Variants in TRPC6 observed in about 807,000 individuals in gnomAD.
TRPC6 encodes transient receptor potential cation channel subfamily C member 6, also known as short transient receptor potential channel 6.
A neutral mutation model predicts 90.7 loss-of-function variants in TRPC6; 55 were observed. The observed-to-expected ratio is 0.61, with a 90% CI of 0.49 to 0.76. The LOEUF is 0.76. TRPC6 is among the 30% of genes least tolerant of loss of function. TRPC6 has a pLI of 0.00. For synonymous variants in TRPC6, 393 were observed against 393.0 expected (o/e 1.00, Z 0.00); for missense variants, 989 against 1,122.7 (o/e 0.88, Z 1.70).
chr11:101,576,048 G>A (rs1862062874), intron 1 of TRPC6, among the ~76,000 whole-genome samples: 1 of 152,142 alleles, frequency 6.6e-6, no homozygotes, highest in Non-Finnish European at 1.5e-5. Flanking sequence ...CATGGTCCAC[G>A]TGTTCCAGCC....
intron 1 of TRPC6, among the ~76,000 whole-genome samples, chr11:101,511,820 T>C (rs900723307): frequency 4.6e-5 from 7 of 151,882 alleles, no homozygotes; most frequent in African/African-American, 1.5e-4. Flanking sequence ...GGTGAAACCC[T>C]GTCTCTACTA....
intron 5 of TRPC6, among the ~76,000 whole-genome samples, chr11:101,481,194 A>G (rs2136687610): frequency 1.3e-5 from 2 of 152,316 alleles, no homozygotes; most frequent in Middle Eastern, 3.4e-3. Context: ...AAGTGATACA[A>G]AACTGACTGT....
At chr11:101,555,183 CTT>C (rs1861534594) in intron 1 of TRPC6, among the ~76,000 whole-genome samples, 1 of 152,170 alleles carries the variant, frequency 6.6e-6, no homozygotes, top group Admixed American at 6.6e-5. Flanking sequence ...AACTAAATCT[CTT>C]TTTGATGAAA....
chr11:101,487,128 T>C (rs1475404985), intron 4 of TRPC6, among the ~76,000 whole-genome samples: 2 of 152,144 alleles, frequency 1.3e-5, no homozygotes, highest in African/African-American at 4.8e-5. Flanking sequence ...AAAAATAGTC[T>C]GTGTCAAAGC....
At chr11:101,472,433 G>C in intron 7 of TRPC6, 101 bp from the exon 8 acceptor site, 1 of 1,165,204 alleles carries the variant, frequency 8.6e-7, no homozygotes, top group East Asian at 2.6e-5. Flanking sequence ...GCAAATTAGT[G>C]AGTATAAAAA....
intron 1 of TRPC6, among the ~76,000 whole-genome samples, chr11:101,524,288 A>G (rs1860726608): frequency 1.3e-5 from 2 of 152,170 alleles, no homozygotes; most frequent in Non-Finnish European, 2.9e-5. Context: ...TCACTCTGTC[A>G]CCCAGGCTGG....
intron 1 of TRPC6, among the ~76,000 whole-genome samples, chr11:101,576,958 T>G (rs1229443155): frequency 6.6e-6 from 1 of 152,130 alleles, no homozygotes; most frequent in Non-Finnish European, 1.5e-5. Context: ...GTTGATTACT[T>G]CAAGCCAGGG....
chr11:101,515,555 A>G (rs1452898088), intron 1 of TRPC6, among the ~76,000 whole-genome samples: 2 of 152,238 alleles, frequency 1.3e-5, no homozygotes, highest in Admixed American at 6.5e-5. Context: ...TGAATAAAAA[A>G]GCAACATGAA....
In TRPC6 at chr11:101,489,023, T is replaced by C. The variant is rs749909773; in HGVS notation, c.1207A>G (p.Met403Val). 2 of 1,614,044 alleles carry C rather than the reference T, an allele frequency of 1.2e-6. No homozygotes were observed. Among genetic ancestry groups the C allele is most frequent in the East Asian group, 2.2e-5 (1 of 44,894 alleles). ...AGGACCACAAGGAACTTGACCGCCATTGTCTGCTGTCGTAAACCAGAAAGA... is the reference window on the plus strand; with the variant it reads ...AGGACCACAAGGAACTTGACCGCCACTGTCTGCTGTCGTAAACCAGAAAGA... ...ENLSGLRQQT[M>V]AVKFLVVLAV... The change falls in exon 4 of 13, where the codon ATG becomes GTG. Residue 403 changes from methionine (M) to valine (V), a missense_variant. By Grantham distance (21) the Met-to-Val change is conservative. This residue lies in a region of TRPC6 where 486 missense variants were observed against 591.9 expected (regional missense o/e 0.82). Transcript: ENST00000344327.
chr11:101,543,574 T>C (rs1396685354), intron 1 of TRPC6, among the ~76,000 whole-genome samples: 8 of 151,918 alleles, frequency 5.3e-5, no homozygotes, highest in Non-Finnish European at 1.2e-4. Context: ...AGATTAGAAA[T>C]AACCACACAT....
intron 1 of TRPC6, among the ~76,000 whole-genome samples, chr11:101,511,943 A>T (rs991530208): frequency 6.6e-6 from 1 of 152,150 alleles, no homozygotes; most frequent in Admixed American, 6.5e-5. Flanking sequence ...CAGTGAGCCG[A>T]GATCACGCCA....
chr11:101,507,006 AACACACAC>A lies in TRPC6; in HGVS notation c.171-2216_171-2209del, dbSNP rs10590147. On this transcript the variant is annotated intron_variant, in intron 1 of 12. Coordinates refer to ENST00000344327, the MANE Select transcript of TRPC6 (RefSeq NM_004621.6). ...CCTTCACGTATCTCTCTCTCTCTCT[AACACACAC>A]ACACACACACACACACACACACACA... is the stretch of plus-strand genomic sequence containing the variant. Among the ~76,000 whole-genome samples, 242 of 131,160 alleles carry A rather than the reference AACACACAC, an allele frequency of 1.8e-3. 1 individual carries two copies. Among genetic ancestry groups the A allele is most frequent in the South Asian group, 4.6e-3 (18 of 3,890 alleles). The allele number at this position is 131,160 out of a possible 152,430, so 86.0% of individuals were successfully genotyped here.
Position 101,583,589 on chromosome 11 carries a change from G to C in TRPC6, c.-86C>G. ...CGGGGACCCGGTGCGGAGGGTTCGC[G>C]TCAGCGGCCGAACTGGACCTGGGCA... is the stretch of plus-strand genomic sequence containing the variant. On this transcript the variant is annotated 5_prime_UTR_variant, in exon 1 of 13. Coordinates refer to ENST00000344327, the MANE Select transcript of TRPC6 (RefSeq NM_004621.6). 1 of 1,371,684 alleles carries C rather than the reference G, an allele frequency of 7.3e-7. No individual in the cohort carries two copies. Among genetic ancestry groups the C allele is most frequent in the Non-Finnish European group, 9.4e-7 (1 of 1,058,526 alleles). 85.0% of individuals were successfully genotyped at this position (1,371,684 alleles called of 1,614,324 possible). A position where few individuals can be genotyped will look rare whatever the true frequency, so the allele number is the denominator to read the frequency against.
In TRPC6 at chr11:101,483,033, T is replaced by C. The variant is rs1448152599; in HGVS notation, c.1426A>G (p.Ser476Gly). ...AACAGCTGTTTTGCATTATCTGTGC[T>C]GGTTTCATTAGGAAGGAGTTTTGTG... ...EGTKLLPNET[S>G]TDNAKQLFRM... is the part of the protein sequence containing the mutation. Residue 476 changes from serine (S) to glycine (G), a missense_variant, in exon 5 of 13, where the codon AGC becomes GGC. Physicochemically the swap from Ser to Gly is moderately conservative, Grantham distance 56. This residue lies in a region of TRPC6 where 486 missense variants were observed against 591.9 expected (regional missense o/e 0.82). Transcript: ENST00000344327. 1 of 1,614,088 alleles carries C rather than the reference T, an allele frequency of 6.2e-7. No homozygotes were observed. The highest frequency in any genetic ancestry group is 8.5e-7 in the Non-Finnish European group (1 of 1,179,952).
At chr11:101,455,319 G>C in intron 10 of TRPC6, 1 of 495,758 alleles carries the variant, frequency 2.0e-6, no homozygotes, top group Non-Finnish European at 3.7e-6. Context: ...GGTTGTCTGA[G>C]GAGTCTCTTA....
intron 1 of TRPC6, among the ~76,000 whole-genome samples, chr11:101,553,553 G>A (rs4597037): frequency 0.73 from 110,947 of 151,986 alleles, 41,128 homozygotes; most frequent in East Asian, 0.99. Flanking sequence ...TGTTAGTCCC[G>A]TGCCTTTGGA....
chr11:101,465,062 G>C (rs1859109606), intron 10 of TRPC6, among the ~76,000 whole-genome samples: 1 of 152,100 alleles, frequency 6.6e-6, no homozygotes, highest in Non-Finnish European at 1.5e-5. Flanking sequence ...GCTTAGTTTG[G>C]TTATGAAATT....
intron 1 of TRPC6, among the ~76,000 whole-genome samples, chr11:101,554,587 G>T (rs968110859): frequency 2.0e-5 from 3 of 152,058 alleles, no homozygotes; most frequent in Non-Finnish European, 4.4e-5. Context: ...CAGTGCCCTG[G>T]CCAGTTTCAG....
chr11:101,573,933 T>TGTGG, intron 1 of TRPC6, among the ~76,000 whole-genome samples: 1 of 122,694 alleles, frequency 8.2e-6, no homozygotes, highest in African/African-American at 3.0e-5. Flanking sequence ...TGTGTGTGTG[T>TGTGG]GTGTGTGTGT....
Sources: allele counts gnomAD v4.1 joint callset (sites outside exome capture counted in the v4.1 genomes callset), GRCh38; gene constraint gnomAD v4.1.1; regional missense constraint gnomAD v4.1.1; transcripts MANE v1.5; gene names NCBI Gene and HGNC (gene_info 2026-07-23, HGNC 2026-07-21).